The following CRYL1 variants were observed in gnomAD, a reference collection of about 807,000 sequenced individuals.
The protein encoded by CRYL1 is lambda-crystallin homolog.
CRYL1 carries 29 observed loss-of-function variants against 36.6 expected under a neutral mutation model. The observed-to-expected ratio is 0.79, with a 90% CI of 0.59 to 1.08. CRYL1 has a LOEUF of 1.08. Ranked by LOEUF, CRYL1 falls within the 50% of genes least tolerant of loss-of-function variation. The probability of loss-of-function intolerance (pLI) is 0.00; values close to 1 mark genes in which losing one functional copy is unlikely to be tolerated. For synonymous variants in CRYL1, 152 were observed against 151.5 expected, an observed-to-expected ratio of 1.00 and a Z score of -0.02; for missense variants, 411 against 407.9, an observed-to-expected ratio of 1.01 and a Z score of -0.06.
intron 5 of CRYL1, among the ~76,000 whole-genome samples, chr13:20,429,132 A>C (rs2031997860): frequency 6.6e-6 from 1 of 152,170 alleles, no homozygotes; most frequent in Non-Finnish European, 1.5e-5. Context: ...CATGGAACCC[A>C]CACCAGGCCT....
At chr13:20,409,718 C>T (rs866095409) in intron 6 of CRYL1, among the ~76,000 whole-genome samples, 147 of 151,826 alleles carry the variant, frequency 9.7e-4, no homozygotes, top group Admixed American at 4.7e-3. Flanking sequence ...AAAAAGTGGG[C>T]GAAGGACATG....
At chr13:20,449,326 T>C (rs2032520411) in intron 3 of CRYL1, among the ~76,000 whole-genome samples, 1 of 152,180 alleles carries the variant, frequency 6.6e-6, no homozygotes, top group African/African-American at 2.4e-5. Context: ...CAGTCTAATA[T>C]TAGAAGGTGG....
intron 2 of CRYL1, among the ~76,000 whole-genome samples, chr13:20,506,947 A>G (rs1180967419): frequency 6.6e-6 from 1 of 152,174 alleles, no homozygotes; most frequent in African/African-American, 2.4e-5. Context: ...GTGGGAGATA[A>G]CTGAATCACA....
intron 6 of CRYL1, among the ~76,000 whole-genome samples, chr13:20,412,212 C>A (rs2031541608): frequency 6.6e-6 from 1 of 152,034 alleles, no homozygotes; most frequent in African/African-American, 2.4e-5. Context: ...GAGCCCAAAC[C>A]TGTCTGTCTG....
chr13:20,413,529 T>C, intron 5 of CRYL1, 142 bp from the exon 6 acceptor site: 3 of 580,308 alleles, frequency 5.2e-6, no homozygotes, highest in East Asian at 2.9e-5. Context: ...TTACCGAATA[T>C]GCTTATGACC....
chr13:20,497,942 T>C (rs2033641552), intron 2 of CRYL1, among the ~76,000 whole-genome samples: 1 of 152,098 alleles, frequency 6.6e-6, no homozygotes, highest in South Asian at 2.1e-4. Flanking sequence ...CATTTTTTAA[T>C]GATGGATTGA....
chr13:20,436,099 G>A (rs2032209805), intron 4 of CRYL1, among the ~76,000 whole-genome samples: 1 of 152,202 alleles, frequency 6.6e-6, no homozygotes, highest in South Asian at 2.1e-4. Context: ...TGAGACGTGA[G>A]GTGAGTTCGA....
chr13:20,483,416 G>A (rs962767039), intron 3 of CRYL1, among the ~76,000 whole-genome samples: 27 of 151,044 alleles, frequency 1.8e-4, no homozygotes, highest in African/African-American at 3.9e-4. Flanking sequence ...TGCAAGCTCC[G>A]CCTCCTGGGT....
rs202218550 is a variant in CRYL1, at chr13:20,432,223, C to G, written c.512G>C (p.Arg171Thr). Residue 171 changes from arginine (R) to threonine (T), a missense_variant, in exon 5 of 8, where the codon AGA (arginine) becomes ACA (threonine). By Grantham distance (71) the Arg-to-Thr change is moderately conservative. Transcript: ENST00000298248. ...HPETAPTTVD[R>T]THALMKKIGQ... ...AATCTTCTTCATCAGGGCGTGGGTT[C>G]TGTCCACTGTCGTAGGGGCCGTCTC... The G allele has an allele frequency of 6.2e-7, 1 of 1,613,808 alleles. No homozygotes were observed. Among genetic ancestry groups the G allele is most frequent in the South Asian group, 1.1e-5 (1 of 91,072 alleles).
intron 3 of CRYL1, among the ~76,000 whole-genome samples, chr13:20,465,994 G>A (rs1484125763): frequency 6.7e-6 from 1 of 149,500 alleles, no homozygotes; most frequent in African/African-American, 2.5e-5. Context: ...CTTTCACCAT[G>A]TGATCTCTAC....
At position 20,489,490 on chromosome 13, in the gene CRYL1, C is replaced by G; in HGVS notation, c.156G>C (p.Glu52Asp). 3 of 1,613,014 alleles carry G rather than the reference C, an allele frequency of 1.9e-6. No homozygotes were observed. The highest frequency in any genetic ancestry group is 1.1e-5 in the South Asian group (1 of 91,088). The change falls in exon 3 of 8, where the codon GAG becomes GAC. Residue 52 changes from glutamate to aspartate, a missense_variant. Glu to Asp is a conservative substitution (Grantham distance 45). Coordinates refer to ENST00000298248, the MANE Select transcript of CRYL1 (RefSeq NM_015974.3). Reference sequence around the variant, plus strand: ...AACCTGCCTGCTCCAGCAACTTCATCTCCTTTCTGGAAAGGCAGAGAGAAG... The same window carrying G: ...AACCTGCCTGCTCCAGCAACTTCATGTCCTTTCTGGAAAGGCAGAGAGAAG... ...IRNALENIRKEMKLLEQAGSL... is the reference protein window; with the variant it reads ...IRNALENIRKDMKLLEQAGSL...
intron 5 of CRYL1, among the ~76,000 whole-genome samples, chr13:20,423,392 T>A (rs1234632600): frequency 6.6e-6 from 1 of 152,218 alleles, no homozygotes; most frequent in African/African-American, 2.4e-5. Context: ...GTATATTTGC[T>A]GTGGGTGTGT....
chr13:20,409,078 C>A (rs1169519287), intron 6 of CRYL1, among the ~76,000 whole-genome samples: 1 of 152,186 alleles, frequency 6.6e-6, no homozygotes, highest in African/African-American at 2.4e-5. Flanking sequence ...CTGGAGGCAT[C>A]ACACTACCTG....
chr13:20,438,486 C>A (rs995198841), intron 4 of CRYL1, among the ~76,000 whole-genome samples: 2 of 152,166 alleles, frequency 1.3e-5, no homozygotes, highest in Non-Finnish European at 2.9e-5. Flanking sequence ...TCAGAGTAAC[C>A]CTCACGATTC....
chr13:20,473,545 G>A (rs192498648), intron 3 of CRYL1, among the ~76,000 whole-genome samples: 11 of 152,360 alleles, frequency 7.2e-5, no homozygotes, highest in South Asian at 2.1e-4. Context: ...CAAGGATGGC[G>A]CTCCAAAGTA....
Position 20,408,446 on chromosome 13 carries a change from G to A in CRYL1, c.740-3705C>T, listed in dbSNP as rs1212493930. ...TTCTGAGATGTCCTCATTTCAAGTG[G>A]AACAAAATGCAGGAGGAACCCAAAC... On this transcript the variant is annotated intron_variant, in intron 6 of 7. Transcript: ENST00000298248. Among the ~76,000 whole-genome samples the A allele has an allele frequency of 2.6e-5, 4 of 152,272 alleles. No homozygotes were observed. In the East Asian group the frequency reaches 7.7e-4, roughly 29 times the overall value.
At chr13:20,452,643 C>T (rs2032595419) in intron 3 of CRYL1, among the ~76,000 whole-genome samples, 3 of 152,102 alleles carry the variant, frequency 2.0e-5, no homozygotes, top group Non-Finnish European at 4.4e-5. Flanking sequence ...TGTCAATATA[C>T]ATTTGTCAAA....
At chr13:20,472,248 C>T (rs977810439) in intron 3 of CRYL1, among the ~76,000 whole-genome samples, 1 of 152,130 alleles carries the variant, frequency 6.6e-6, no homozygotes, top group Non-Finnish European at 1.5e-5. Context: ...TCTAGATGAC[C>T]TATAATACCT....
Position 20,439,730 on chromosome 13 carries a change from G to A in CRYL1, c.301C>T (p.Leu101=). The stretch of plus-strand genomic sequence containing the variant: ...AACTGAGCAAAAATCTTCTTCTTCA[G>A]TTCTAGATCTTCTGGAACACATTCC... ...IQECVPEDLE[L]KKKIFAQLDS... The change falls in exon 4 of 8, where the codon CTG becomes TTG. Residue 101 remains leucine, a synonymous_variant. Coordinates refer to ENST00000298248, the MANE Select transcript of CRYL1 (RefSeq NM_015974.3). The A allele has an allele frequency of 8.7e-6, 14 of 1,614,032 alleles. No homozygotes were observed. Among genetic ancestry groups the A allele is most frequent in the Non-Finnish European group, 1.2e-5 (14 of 1,179,960 alleles).
Sources: gnomAD v4.1 joint callset for allele counts (sites outside exome capture counted in the v4.1 genomes callset) on GRCh38, gnomAD v4.1.1 for gene constraint, MANE v1.5 for transcripts, NCBI Gene and HGNC (gene_info 2026-07-23, HGNC 2026-07-21) for gene names.